Variants in RBFOX1 observed in about 807,000 individuals in gnomAD.
RBFOX1 encodes RNA binding fox-1 homolog 1, also known as RNA binding protein fox-1 homolog 1.
A neutral mutation model predicts 57.7 loss-of-function variants in RBFOX1; 8 were observed. That is an observed-to-expected ratio of 0.14 (90% CI 0.08 to 0.25). The LOEUF (loss-of-function observed/expected upper bound fraction) is 0.25, where lower values mean the gene tolerates loss of function less well. Among genes scored for constraint, RBFOX1 ranks in the 10% least tolerant of loss-of-function variants. The pLI is 1.00. For missense variants in RBFOX1, 611 were observed against 548.5 expected (o/e 1.11, Z -1.14); for synonymous variants, 326 against 222.4 (o/e 1.47, Z -4.15).
chr16:6,867,519 G>A (rs1216815148), intron 3 of RBFOX1, among the ~76,000 whole-genome samples: 1 of 152,088 alleles, frequency 6.6e-6, no homozygotes, highest in Non-Finnish European at 1.5e-5. Context: ...AGGAGTTCGA[G>A]ATCAGCCTGG....
chr16:6,823,163 A>G (rs1253524882), intron 3 of RBFOX1, among the ~76,000 whole-genome samples: 2 of 152,158 alleles, frequency 1.3e-5, no homozygotes, highest in South Asian at 2.1e-4. Flanking sequence ...TCTCAGCCCC[A>G]AAGTGATTAG....
At chr16:6,267,170 G>C (rs2074610254) in intron 1 of RBFOX1, among the ~76,000 whole-genome samples, 1 of 152,006 alleles carries the variant, frequency 6.6e-6, no homozygotes, top group Non-Finnish European at 1.5e-5. Context: ...ATCCCAGTCA[G>C]GAATCTGAAA....
At chr16:6,473,833 G>C (rs1221646561) in intron 2 of RBFOX1, among the ~76,000 whole-genome samples, 1 of 152,108 alleles carries the variant, frequency 6.6e-6, no homozygotes, top group Non-Finnish European at 1.5e-5. Context: ...CCTTGTGATC[G>C]GTTAAGGTGC....
intron 2 of RBFOX1, among the ~76,000 whole-genome samples, chr16:6,505,721 C>G (rs2096071188): frequency 1.3e-5 from 2 of 152,138 alleles, no homozygotes; most frequent in Non-Finnish European, 2.9e-5. Context: ...TTGGTACAGA[C>G]TAAAAACTCA....
chr16:6,106,834 AT>A (rs1298386990), intron 1 of RBFOX1, among the ~76,000 whole-genome samples: 6 of 150,600 alleles, frequency 4.0e-5, no homozygotes, highest in East Asian at 2.0e-4. Context: ...TGCCTGGCTA[AT>A]TTTTTTTTCG....
intron 4 of RBFOX1, among the ~76,000 whole-genome samples, chr16:7,230,762 A>G (rs2093451963): frequency 6.6e-6 from 1 of 152,080 alleles, no homozygotes; most frequent in African/African-American, 2.4e-5. Flanking sequence ...AATTTACACA[A>G]CTGAATTTCT....
intron 4 of RBFOX1, among the ~76,000 whole-genome samples, chr16:7,239,694 T>C (rs959548694): frequency 6.6e-6 from 1 of 152,214 alleles, no homozygotes; most frequent in Non-Finnish European, 1.5e-5. Flanking sequence ...TTTACTCTTC[T>C]GGGTCTTTGA....
intron 2 of RBFOX1, among the ~76,000 whole-genome samples, chr16:6,617,899 G>A (rs554271484): frequency 6.6e-6 from 1 of 152,212 alleles, no homozygotes; most frequent in East Asian, 1.9e-4. Context: ...AGTGTCTGGG[G>A]GCAGGGGTAA....
intron 1 of RBFOX1, among the ~76,000 whole-genome samples, chr16:5,335,245 C>T (rs1308413009): frequency 6.6e-6 from 1 of 152,126 alleles, no homozygotes. Flanking sequence ...ATTCATGATA[C>T]ATCACAGAGA....
chr16:6,302,234 C>A (rs115828104), intron 1 of RBFOX1, among the ~76,000 whole-genome samples: 42 of 151,816 alleles, frequency 2.8e-4, no homozygotes, highest in Admixed American at 2.7e-3. Flanking sequence ...CTGAACATTT[C>A]GCAAACCTTT....
chr16:7,518,419 G>A, intron 5 of RBFOX1, 30 bp downstream of exon 5: 5 of 1,583,392 alleles, frequency 3.2e-6, no homozygotes, highest in Non-Finnish European at 4.3e-6. Context: ...ACGGGTGGGA[G>A]GTTATGGGGA....
intron 3 of RBFOX1, among the ~76,000 whole-genome samples, chr16:5,690,496 C>T (rs373239787): frequency 1.3e-5 from 2 of 152,120 alleles, no homozygotes; most frequent in East Asian, 1.9e-4. Flanking sequence ...ACGCTCTTGG[C>T]ATAACGCCTG....
At chr16:6,255,456 G>A (rs947853349) in intron 1 of RBFOX1, among the ~76,000 whole-genome samples, 1 of 152,144 alleles carries the variant, frequency 6.6e-6, no homozygotes, top group Non-Finnish European at 1.5e-5. Flanking sequence ...TGAAGCTGTA[G>A]CTCTGGTGAG....
At chr16:7,383,212 C>G (rs1203350006) in intron 4 of RBFOX1, among the ~76,000 whole-genome samples, 4 of 149,808 alleles carry the variant, frequency 2.7e-5, no homozygotes, top group African/African-American at 7.4e-5. Flanking sequence ...ATGCCTGTAT[C>G]AAAACATCTC....
chr16:6,826,935 A>C (rs1467574146), intron 3 of RBFOX1, among the ~76,000 whole-genome samples: 1 of 152,142 alleles, frequency 6.6e-6, no homozygotes, highest in Middle Eastern at 3.2e-3. Flanking sequence ...TTTTTGTGCA[A>C]ATGGAAGAAA....
chr16:7,616,126 C>T (rs1278962562), intron 10 of RBFOX1, among the ~76,000 whole-genome samples: 1 of 152,236 alleles, frequency 6.6e-6, no homozygotes, highest in Non-Finnish European at 1.5e-5. Context: ...AGACCACTCT[C>T]AGGCTCCATG....
chr16:7,246,742 T>A (rs2094317587), intron 4 of RBFOX1, among the ~76,000 whole-genome samples: 1 of 150,370 alleles, frequency 6.7e-6, no homozygotes, highest in Non-Finnish European at 1.5e-5. Context: ...TGCGGTGGTA[T>A]CAGCACCAAG....
rs574558282 is a variant in RBFOX1 at position 7,015,615 on chromosome 16, C to A, written c.-15-36442C>A. Among the ~76,000 whole-genome samples, 17 of 152,242 alleles carry A rather than the reference C, an allele frequency of 1.1e-4. No individual in the cohort carries two copies. The South Asian group carries it at 3.5e-3, about 32-fold the overall frequency. ...GCTTATTTAAGAGCCTATTAGACACCATTTGTGGTTCATCTCCTCTTGTTT... is the reference window on the plus strand; with the variant it reads ...GCTTATTTAAGAGCCTATTAGACACAATTTGTGGTTCATCTCCTCTTGTTT... On this transcript the variant is annotated intron_variant, in intron 3 of 15. Transcript: ENST00000550418.
intron 1 of RBFOX1, among the ~76,000 whole-genome samples, chr16:6,288,478 G>A (rs975591606): frequency 4.6e-5 from 7 of 152,144 alleles, no homozygotes; most frequent in African/African-American, 1.7e-4. Flanking sequence ...TAAGGTCCAT[G>A]CATCATACAT....
Sources: allele counts gnomAD v4.1 joint callset (sites outside exome capture counted in the v4.1 genomes callset), GRCh38; gene constraint gnomAD v4.1.1; transcripts MANE v1.5; gene names NCBI Gene and HGNC (gene_info 2026-07-23, HGNC 2026-07-21).